NPEPPS: variants seen among roughly 807,000 people sequenced by gnomAD.
NPEPPS encodes aminopeptidase puromycin sensitive.
NPEPPS carries 14 observed loss-of-function variants against 115.5 expected under a neutral mutation model. The observed-to-expected ratio is 0.12, with a 90% CI of 0.08 to 0.19. The LOEUF is 0.19. Ranked by LOEUF, NPEPPS falls within the 10% of genes least tolerant of loss-of-function variation. The pLI, the probability that NPEPPS is intolerant of heterozygous loss-of-function variation, is 1.00. For synonymous variants in NPEPPS, 285 were observed against 390.6 expected (o/e 0.73, Z 3.19); for missense variants, 523 against 1,110.8 (o/e 0.47, Z 7.52).
chr17:47,555,461 C>T (rs1420800169), intron 2 of NPEPPS, among the ~76,000 whole-genome samples: 1 of 150,964 alleles, frequency 6.6e-6, no homozygotes, highest in Non-Finnish European at 1.5e-5. Flanking sequence ...GATTCTCCTG[C>T]CTCAGCCTCC....
intron 1 of NPEPPS, among the ~76,000 whole-genome samples, chr17:47,542,823 G>A (rs1908867835): frequency 1.3e-5 from 2 of 152,116 alleles, no homozygotes; most frequent in Admixed American, 6.6e-5. Context: ...ATGCATATAA[G>A]CAAGGTTATG....
intron 1 of NPEPPS, among the ~76,000 whole-genome samples, chr17:47,544,679 C>G (rs549646009): frequency 1.9e-4 from 29 of 150,234 alleles, no homozygotes; most frequent in Admixed American, 1.5e-3. Flanking sequence ...AATTATGGGC[C>G]TATGCCACCT....
intron 17 of NPEPPS, among the ~76,000 whole-genome samples, chr17:47,609,187 G>A (rs1190658294): frequency 6.6e-6 from 1 of 152,138 alleles, no homozygotes; most frequent in Non-Finnish European, 1.5e-5. Context: ...GTGAGAGAGA[G>A]GGCTTATTGC....
chr17:47,599,547 C>A, intron 13 of NPEPPS, 129 bp from the exon 14 acceptor site: 2 of 691,200 alleles, frequency 2.9e-6, no homozygotes, highest in Admixed American at 5.3e-5. Context: ...ATTTTGTATA[C>A]TCATGAGACA....
At chr17:47,575,249 G>A (rs2661183) in intron 3 of NPEPPS, among the ~76,000 whole-genome samples, 10 of 152,210 alleles carry the variant, frequency 6.6e-5, no homozygotes, top group Non-Finnish European at 1.3e-4. Flanking sequence ...AAGCATTTAT[G>A]TATATACTTT....
At chr17:47,524,805 ATTTTTT>A (rs58644203) in intron 1 of NPEPPS, among the ~76,000 whole-genome samples, 1 of 138,718 alleles carries the variant, frequency 7.2e-6, no homozygotes, top group Non-Finnish European at 1.6e-5. Context: ...TGCCCGGCCA[ATTTTTT>A]TTTTTTTTTT....
chr17:47,605,570 T>A lies in NPEPPS; in HGVS notation c.2095+18T>A. ...TGGAGAAGGTAATGGATATACTAAA[T>A]GGAGAAAGAATTACGCAGAAGTTGG... is the stretch of plus-strand genomic sequence containing the variant. On this transcript the variant is annotated intron_variant, in intron 17 of 22. Transcript: ENST00000322157. The A allele has an allele frequency of 1.4e-6, 2 of 1,469,590 alleles. No homozygotes were observed. The highest frequency in any genetic ancestry group is 1.4e-5 in the African/African-American group (1 of 71,828). 91.0% of individuals were successfully genotyped at this position (1,469,590 alleles called of 1,614,324 possible). A position where few individuals can be genotyped will look rare whatever the true frequency, so the allele number is the denominator to read the frequency against.
At chr17:47,613,514 G>T (rs571161493) in intron 18 of NPEPPS, among the ~76,000 whole-genome samples, 155 bp from the exon 19 acceptor site, 1 of 152,180 alleles carries the variant, frequency 6.6e-6, no homozygotes, top group South Asian at 2.1e-4. Flanking sequence ...TGATCCGCCT[G>T]CCTCGGCCTC....
chr17:47,554,289 C>T (rs1407003175), intron 2 of NPEPPS, among the ~76,000 whole-genome samples: 2 of 152,154 alleles, frequency 1.3e-5, no homozygotes, highest in Non-Finnish European at 2.9e-5. Flanking sequence ...ATCTTCCCCC[C>T]TCAGCCTCGT....
intron 2 of NPEPPS, among the ~76,000 whole-genome samples, chr17:47,547,621 G>GTTTTACAACC (rs1909310879): frequency 6.6e-6 from 1 of 152,084 alleles, no homozygotes; most frequent in Non-Finnish European, 1.5e-5. Flanking sequence ...GGCCTTGCAG[G>GTTTTACAACC]TTGCTGGGAT....
Position 47,610,394 on chromosome 17 carries a change from TG to T in NPEPPS, c.2096-2057del, listed in dbSNP as rs529307988. Among the ~76,000 whole-genome samples, 1,047 of 150,626 alleles carry T rather than the reference TG, an allele frequency of 7.0e-3. 5 individuals are homozygous for T. Among genetic ancestry groups the T allele is most frequent in the African/African-American group, 0.021 (844 of 40,806 alleles). On this transcript the variant is annotated intron_variant, in intron 17 of 22. Coordinates refer to ENST00000322157, the MANE Select transcript of NPEPPS (RefSeq NM_006310.4). ...ATCAGTCTTTCATTCCTTTTTTTTT[TG>T]GGGGGGGGTAACAGAGTCTCACACT...
intron 12 of NPEPPS, among the ~76,000 whole-genome samples, chr17:47,594,778 G>T (rs563235826): frequency 6.6e-6 from 1 of 150,916 alleles, no homozygotes; most frequent in Non-Finnish European, 1.5e-5. Context: ...GACTACAGGC[G>T]CCCGCCACCA....
chr17:47,619,633 CA>C, intron 21 of NPEPPS, 103 bp from the exon 22 acceptor site: 1 of 914,262 alleles, frequency 1.1e-6, no homozygotes, highest in Non-Finnish European at 1.8e-6. Flanking sequence ...TCCTTTATAA[CA>C]GACTGAAGTT....
intron 1 of NPEPPS, among the ~76,000 whole-genome samples, chr17:47,526,026 C>G (rs1300100309): frequency 6.6e-6 from 1 of 152,096 alleles, no homozygotes; most frequent in Non-Finnish European, 1.5e-5. Flanking sequence ...GCCTGACCAA[C>G]ATGGAGAAAC....
chr17:47,558,075 C>T (rs1411391682), intron 2 of NPEPPS, among the ~76,000 whole-genome samples: 7 of 151,320 alleles, frequency 4.6e-5, no homozygotes, highest in Non-Finnish European at 8.8e-5. Context: ...TTCAGGTGTA[C>T]GCCACCACAC....
intron 2 of NPEPPS, among the ~76,000 whole-genome samples, chr17:47,546,353 G>T (rs970684361): frequency 2.6e-5 from 4 of 152,012 alleles, no homozygotes; most frequent in African/African-American, 9.7e-5. Context: ...TTGAGCCCAG[G>T]TGGCCGAGGC....
intron 13 of NPEPPS, among the ~76,000 whole-genome samples, chr17:47,597,859 A>G (rs539719346): frequency 1.4e-4 from 22 of 152,328 alleles, no homozygotes; most frequent in African/African-American, 5.3e-4. Flanking sequence ...CTTAACTTTA[A>G]ACATGATTGG....
intron 17 of NPEPPS, among the ~76,000 whole-genome samples, chr17:47,609,973 G>A (rs1913742041): frequency 6.6e-6 from 1 of 151,996 alleles, no homozygotes; most frequent in Non-Finnish European, 1.5e-5. Context: ...CATCAGATTT[G>A]TGTGCCATTA....
In NPEPPS at chr17:47,536,277, G is replaced by A. The variant is rs73326104; in HGVS notation, c.255+4722G>A. 2.1e-3 allele frequency among the ~76,000 whole-genome samples: 315 copies of A among 152,014 alleles called. 3 individuals are homozygous for A. Among genetic ancestry groups the A allele is most frequent in the African/African-American group, 7.5e-3 (311 of 41,456 alleles). ...GGAGATAACTAAATTGGCACTAAGTGAATAGTTGCCAATATAGTAGTTTGT... is the reference window on the plus strand; with the variant it reads ...GGAGATAACTAAATTGGCACTAAGTAAATAGTTGCCAATATAGTAGTTTGT... On this transcript the variant is annotated intron_variant, in intron 1 of 22. Coordinates refer to ENST00000322157, the MANE Select transcript of NPEPPS (RefSeq NM_006310.4).
Sources: gnomAD v4.1 joint callset for allele counts (sites outside exome capture counted in the v4.1 genomes callset) on GRCh38, gnomAD v4.1.1 for gene constraint, MANE v1.5 for transcripts, NCBI Gene and HGNC (gene_info 2026-07-23, HGNC 2026-07-21) for gene names.